The following XRCC1 variants were observed in gnomAD, a reference collection of about 807,000 sequenced individuals.
XRCC1 encodes the protein X-ray repair cross complementing 1.
In XRCC1, 52 loss-of-function variants were observed where a neutral mutation model predicts 83.3. That is an observed-to-expected ratio of 0.62 (90% CI 0.50 to 0.79). The LOEUF (loss-of-function observed/expected upper bound fraction) is 0.79. Among genes scored for constraint, XRCC1 ranks in the 30% least tolerant of loss-of-function variants. The pLI is 0.00. For synonymous variants in XRCC1, 281 were observed against 312.6 expected, an observed-to-expected ratio of 0.90 and a Z score of 1.07; for missense variants, 793 against 823.5, an observed-to-expected ratio of 0.96 and a Z score of 0.45.
At chr19:43,558,822 G>A (rs1972665869) in intron 3 of XRCC1, among the ~76,000 whole-genome samples, 1 of 151,534 alleles carries the variant, frequency 6.6e-6, no homozygotes, top group Admixed American at 6.6e-5. Flanking sequence ...AATGAGAAAA[G>A]GCAAGTCTTT....
intron 14 of XRCC1, 97 bp downstream of exon 14, chr19:43,545,721 C>T (rs981895297): frequency 4.0e-6 from 6 of 1,495,904 alleles, no homozygotes; most frequent in Admixed American, 2.0e-5. Flanking sequence ...AGGCAAGACA[C>T]GGGGGCAGCA....
chr19:43,552,162 G>A lies in XRCC1; in HGVS notation c.937C>T (p.Pro313Ser). 2 of 1,614,022 alleles carry A rather than the reference G, an allele frequency of 1.2e-6. No individual in the cohort carries two copies. Among genetic ancestry groups the A allele is most frequent in the Non-Finnish European group, 1.7e-6 (2 of 1,179,958 alleles). ...TGAAGGATCTTCCCCAGCTCCTCTG[G>A]GCCAGCTCGGGGTCGTCTGGGCTCG... Reference protein sequence around the residue: ...GTEPRRPRAGPEELGKILQGV... With the variant: ...GTEPRRPRAGSEELGKILQGV... Residue 313 changes from proline (P) to serine (S), a missense_variant, in exon 9 of 17, where the codon CCA (proline) becomes TCA (serine). Transcript: ENST00000262887.
chr19:43,572,426 G>A (rs1039792797), intron 2 of XRCC1, among the ~76,000 whole-genome samples: 1 of 152,206 alleles, frequency 6.6e-6, no homozygotes, highest in Middle Eastern at 3.2e-3. Context: ...CAATTTTCTT[G>A]AGGTCACCGA....
chr19:43,552,661 C>G, intron 8 of XRCC1, 136 bp downstream of exon 8: 1 of 835,728 alleles, frequency 1.2e-6, no homozygotes. Context: ...GGCCCCCAGC[C>G]CCTCCTCCCT....
intron 8 of XRCC1, 121 bp from the exon 9 acceptor site, chr19:43,552,396 C>A: frequency 1.3e-6 from 1 of 742,366 alleles, no homozygotes; most frequent in South Asian, 1.8e-5. Context: ...CAATCCAGGC[C>A]CCAGCCCCTC....
intron 2 of XRCC1, among the ~76,000 whole-genome samples, chr19:43,569,816 C>T (rs948750770): frequency 6.6e-6 from 1 of 152,118 alleles, no homozygotes; most frequent in East Asian, 1.9e-4. Context: ...TCATCTACAG[C>T]TACACTGAAC....
At chr19:43,545,687 G>A in intron 14 of XRCC1, 131 bp downstream of exon 14, 1 of 1,186,550 alleles carries the variant, frequency 8.4e-7, no homozygotes, top group Non-Finnish European at 1.2e-6. Context: ...CTGAGGCAGG[G>A]AGTGGGTTGA....
chr19:43,560,803 G>T lies in XRCC1; in HGVS notation c.255+107C>A, dbSNP rs1016447631. 13 of 882,672 alleles carry T rather than the reference G, an allele frequency of 1.5e-5. No homozygotes were observed. In the East Asian group the frequency reaches 3.1e-4, roughly 21 times the overall value. 54.7% of individuals were successfully genotyped at this position (882,672 alleles called of 1,614,324 possible). ...CCTCCAGAGGGCAGCAATCAGGTGTGACTCACATCTGCCCCATGTCTTCCC... is the reference window on the plus strand; with the variant it reads ...CCTCCAGAGGGCAGCAATCAGGTGTTACTCACATCTGCCCCATGTCTTCCC... On this transcript the variant is annotated intron_variant, in intron 3 of 16. Coordinates refer to ENST00000262887, the MANE Select transcript of XRCC1 (RefSeq NM_006297.3).
Position 43,560,952 on chromosome 19 carries a change from C to G in XRCC1, c.213G>C (p.Leu71=). 1 of 1,614,230 alleles carries G rather than the reference C, an allele frequency of 6.2e-7. No individual in the cohort carries two copies. Among genetic ancestry groups the G allele is most frequent in the Non-Finnish European group, 8.5e-7 (1 of 1,180,044 alleles). The stretch of plus-strand genomic sequence containing the variant: ...CAGCGCCTCCAGCTGAACTGCCCAC[C>G]AGCACCTCCACGAAAGCTGAGCCAT... ...GNDGSAFVEV[L]VGSSAGGAGE... is the part of the protein sequence containing the mutation. The change falls in exon 3 of 17, where the codon CTG becomes CTC. Residue 71 remains leucine, a synonymous_variant. Coordinates refer to ENST00000262887, the MANE Select transcript of XRCC1 (RefSeq NM_006297.3).
chr19:43,553,857 T>C (rs984901073), intron 4 of XRCC1, 174 bp from the exon 5 acceptor site: 3 of 552,962 alleles, frequency 5.4e-6, no homozygotes, highest in African/African-American at 3.7e-5. Context: ...CTGTTATGAC[T>C]GAGCCCTAAC....
At position 43,548,068 on chromosome 19, in the gene XRCC1, G is replaced by T. The variant is rs187390192; in HGVS notation, c.1200-1091C>A. 2.6e-4 allele frequency among the ~76,000 whole-genome samples: 14 copies of T among 52,888 alleles called. 1 individual carries two copies. The highest frequency in any genetic ancestry group is 1.0e-3 in the African/African-American group (12 of 11,838). 34.7% of individuals were successfully genotyped at this position (52,888 alleles called of 152,430 possible). On this transcript the variant is annotated intron_variant, in intron 10 of 16. Transcript: ENST00000262887. ...GGTGGGGGGCCAGCCGCCCCGTCGG[G>T]GGGGAGGTGGGGGGCCAGCCGCCCC...
intron 2 of XRCC1, among the ~76,000 whole-genome samples, chr19:43,566,163 G>A (rs530168120): frequency 1.3e-5 from 2 of 151,800 alleles, no homozygotes; most frequent in East Asian, 1.9e-4. Context: ...TTGAACCTGG[G>A]AGGCAGAAGT....
chr19:43,573,668 T>C (rs1340945417), intron 2 of XRCC1, among the ~76,000 whole-genome samples: 1 of 148,478 alleles, frequency 6.7e-6, no homozygotes, highest in Non-Finnish European at 1.5e-5. Context: ...AGCCCAGGAG[T>C]TTGAGACCAG....
chr19:43,555,475 G>C (rs1972626893), intron 3 of XRCC1: 1 of 152,194 alleles, frequency 6.6e-6, no homozygotes, highest in Non-Finnish European at 1.5e-5. Context: ...CTGCTGCAGT[G>C]GTTCCTGCCT....
At chr19:43,568,028 C>A (rs1325739076) in intron 2 of XRCC1, among the ~76,000 whole-genome samples, 1 of 151,828 alleles carries the variant, frequency 6.6e-6, no homozygotes, top group African/African-American at 2.4e-5. Flanking sequence ...GTGCCCACCA[C>A]TGCACCTGGC....
chr19:43,553,410 T>C lies in XRCC1; in HGVS notation c.592A>G (p.Thr198Ala), dbSNP rs2146052265. The part of the protein sequence containing the change: ...GALFFSRINK[T>A]SPVTASDPAG... The stretch of plus-strand genomic sequence containing the variant: ...CGTTGTCCGAGCTCACCTGGGGATG[T>C]CTTGTTGATCCGGCTGAAGAAGAGA... Residue 198 changes from threonine to alanine, a missense_variant, in exon 6 of 17, where the codon ACA becomes GCA. Coordinates refer to ENST00000262887, the MANE Select transcript of XRCC1 (RefSeq NM_006297.3). 2 of 1,614,048 alleles carry C rather than the reference T, an allele frequency of 1.2e-6. No individual in the cohort carries two copies. Among genetic ancestry groups the C allele is most frequent in the South Asian group, 2.2e-5 (2 of 91,076 alleles).
intron 3 of XRCC1, among the ~76,000 whole-genome samples, chr19:43,560,546 A>G (rs927127740): frequency 3.9e-5 from 6 of 152,224 alleles, no homozygotes; most frequent in Non-Finnish European, 7.3e-5. Flanking sequence ...GATGGACTCT[A>G]GAAGCTGAAA....
intron 8 of XRCC1, 21 bp from the exon 9 acceptor site, chr19:43,552,296 A>AT: frequency 6.4e-7 from 1 of 1,553,970 alleles, no homozygotes; most frequent in Non-Finnish European, 8.7e-7. Flanking sequence ...CAAAGAGTAG[A>AT]TTAGGTTAGC....
chr19:43,574,898 T>C lies in XRCC1; in HGVS notation c.144+12A>G, dbSNP rs757310790. ...GACTCCTAGTGAGGAGGAGGTGGGG[T>C]GGCAGGATCACCTGTAGGACCACAG... On this transcript the variant is annotated intron_variant, in intron 2 of 16. Transcript: ENST00000262887. 9.9e-6 allele frequency: 16 copies of C among 1,610,474 alleles called. No individual in the cohort carries two copies. The East Asian group carries it at 2.9e-4, about 29-fold the overall frequency.
Sources: allele counts gnomAD v4.1 joint callset (sites outside exome capture counted in the v4.1 genomes callset), GRCh38; gene constraint gnomAD v4.1.1; transcripts MANE v1.5; gene names NCBI Gene and HGNC (gene_info 2026-07-23, HGNC 2026-07-21).